The following MAP2K5 variants were observed in gnomAD, a reference collection of about 807,000 sequenced individuals.
MAP2K5 encodes mitogen-activated protein kinase kinase 5, also known as dual specificity mitogen-activated protein kinase kinase 5.
A neutral mutation model predicts 83.1 loss-of-function variants in MAP2K5; 49 were observed. The ratio of observed to expected loss-of-function variants is 0.59; its 90% CI spans 0.47 to 0.75. MAP2K5 has a LOEUF of 0.75. Among genes scored for constraint, MAP2K5 ranks in the 30% least tolerant of loss-of-function variants. The probability of loss-of-function intolerance (pLI) is 0.00; values close to 1 mark genes in which losing one functional copy is unlikely to be tolerated. For synonymous variants in MAP2K5, 202 were observed against 191.8 expected, an observed-to-expected ratio of 1.05 and a Z score of -0.44; for missense variants, 457 against 557.5, an observed-to-expected ratio of 0.82 and a Z score of 1.82.
chr15:67,765,482 C>T (rs945147969), intron 19 of MAP2K5, among the ~76,000 whole-genome samples: 6 of 151,996 alleles, frequency 3.9e-5, no homozygotes, highest in Admixed American at 6.6e-5. Flanking sequence ...TGTATGGGGG[C>T]GGGGAGTTGC....
chr15:67,699,835 C>T (rs1269860057), intron 15 of MAP2K5, among the ~76,000 whole-genome samples: 1 of 152,154 alleles, frequency 6.6e-6, no homozygotes, highest in African/African-American at 2.4e-5. Flanking sequence ...TTAAAACTCA[C>T]TGTATTTGAC....
At chr15:67,658,845 G>A (rs1596738909) in intron 12 of MAP2K5, 1 of 580,640 alleles carries the variant, frequency 1.7e-6, no homozygotes, top group East Asian at 3.7e-5. Flanking sequence ...GTGTTTGCAG[G>A]GACCTTGGTA....
intron 13 of MAP2K5, among the ~76,000 whole-genome samples, chr15:67,686,800 T>G (rs956539039): frequency 6.6e-6 from 1 of 152,102 alleles, no homozygotes; most frequent in African/African-American, 2.4e-5. Flanking sequence ...TTTAAAAACT[T>G]TGAGGTGAGC....
chr15:67,784,927 T>A (rs1596969947), intron 21 of MAP2K5, among the ~76,000 whole-genome samples: 1 of 152,172 alleles, frequency 6.6e-6, no homozygotes, highest in Non-Finnish European at 1.5e-5. Flanking sequence ...GCACCAGTGG[T>A]AGTATCTGAA....
chr15:67,660,320 T>C (rs925780818), intron 12 of MAP2K5, among the ~76,000 whole-genome samples: 2 of 152,140 alleles, frequency 1.3e-5, no homozygotes, highest in Non-Finnish European at 2.9e-5. Context: ...GCTACAAATT[T>C]GGATTATCAT....
In MAP2K5 at chr15:67,563,288, G is replaced by A; in HGVS notation, c.190G>A (p.Asp64Asn). The change falls in exon 3 of 22, where the codon GAT becomes AAT. Residue 64 changes from aspartate (D) to asparagine (N), a missense_variant. Physicochemically the swap from Asp to Asn is conservative, Grantham distance 23 (BLOSUM62 1). Around this residue, in one of 3 missense-constraint regions of MAP2K5, gnomAD observed 234 missense variants for 243.6 expected, o/e 0.96. Transcript: ENST00000178640. This position sits in a 1 kb window ranked among gnomAD's most constrained non-coding sequence, Gnocchi z 4.5. The part of the protein sequence containing the change: ...EATTTAFEYE[D>N]EDGDRITVRS... Reference sequence around the variant, plus strand: ...CATTATGTGCTTTTAAACAGATGAAGATGAAGATGGTGATCGAATTACAGT... The same window carrying A: ...CATTATGTGCTTTTAAACAGATGAAAATGAAGATGGTGATCGAATTACAGT... 1 of 1,610,864 alleles carries A rather than the reference G, an allele frequency of 6.2e-7. No individual in the cohort carries two copies. The highest frequency in any genetic ancestry group is 1.1e-5 in the South Asian group (1 of 90,656).
In MAP2K5 at chr15:67,750,127, CTT is replaced by C. The variant is rs1221802633; in HGVS notation, c.1134+1529_1134+1530del. Among the ~76,000 whole-genome samples, 3 of 152,156 alleles carry C rather than the reference CTT, an allele frequency of 2.0e-5. No homozygotes were observed. Among genetic ancestry groups the C allele is most frequent in the African/African-American group, 7.2e-5 (3 of 41,422 alleles). On this transcript the variant is annotated intron_variant, in intron 19 of 21. Coordinates refer to ENST00000178640, the MANE Select transcript of MAP2K5 (RefSeq NM_145160.3). This position sits in a 1 kb window ranked among gnomAD's most constrained non-coding sequence, Gnocchi z 4.2. The stretch of plus-strand genomic sequence containing the variant: ...GTTTAATTTGGGCAAAATCATGAGA[CTT>C]TTGAAATTACCATGGGGAGATGTTC...
At position 67,708,773 on chromosome 15, in the gene MAP2K5, T is replaced by G. The variant is rs970928102; in HGVS notation, c.1044+5365T>G. On this transcript the variant is annotated intron_variant, in intron 16 of 21. Transcript: ENST00000178640. The surrounding 1 kb of genome is among the most constrained non-coding windows in gnomAD (Gnocchi z 4.9). ...TCTTGCCACACTCTTTCATAAAAGA[T>G]GATGCTACATGCTGCTAAAATGTGC... Among the ~76,000 whole-genome samples, 6 of 152,078 alleles carry G rather than the reference T, an allele frequency of 3.9e-5. No individual in the cohort carries two copies. Among genetic ancestry groups the G allele is most frequent in the African/African-American group, 2.4e-5 (1 of 41,406 alleles).
At position 67,572,988 on chromosome 15, in the gene MAP2K5, G is replaced by T. The variant is rs1414446813; in HGVS notation, c.253-7766G>T. On this transcript the variant is annotated intron_variant, in intron 3 of 21. Transcript: ENST00000178640. The surrounding 1 kb of genome is among the most constrained non-coding windows in gnomAD (Gnocchi z 4.2). Reference sequence around the variant, plus strand: ...TGGGATTACAGGCGTGAGCCACCGTGCCTGGCCTGATATTATTTTGTTTAA... The same window carrying T: ...TGGGATTACAGGCGTGAGCCACCGTTCCTGGCCTGATATTATTTTGTTTAA... 6.6e-6 allele frequency among the ~76,000 whole-genome samples: 1 copy of T among 152,130 alleles called. No individual in the cohort carries two copies. The highest frequency in any genetic ancestry group is 1.5e-5 in the Non-Finnish European group (1 of 68,036).
intron 17 of MAP2K5, among the ~76,000 whole-genome samples, chr15:67,733,672 C>G (rs1010292291): frequency 1.3e-5 from 2 of 152,210 alleles, no homozygotes; most frequent in African/African-American, 4.8e-5. Context: ...CTTTACTTAA[C>G]TCAAGGAGAC....
rs1038792263 is a variant in MAP2K5, at chr15:67,543,492, C to T, written c.135+22C>T. 1 of 1,613,672 alleles carries T rather than the reference C, an allele frequency of 6.2e-7. No homozygotes were observed. Among genetic ancestry groups the T allele is most frequent in the Admixed American group, 1.7e-5 (1 of 60,008 alleles). ...GCTGGTGAGTGGTAATCTCAGTGTC[C>T]GGATGCCAGCAAGGGGGACTCAGGG... On this transcript the variant is annotated intron_variant, in intron 1 of 21. Transcript: ENST00000178640. The surrounding 1 kb of genome is among the most constrained non-coding windows in gnomAD (Gnocchi z 4.3).
intron 1 of MAP2K5, chr15:67,548,873 A>G (rs1326583030): frequency 9.5e-6 from 4 of 422,814 alleles, no homozygotes; most frequent in African/African-American, 2.0e-5. Context: ...TGCCTAAGAT[A>G]GTCCTCTTTG....
intron 8 of MAP2K5, among the ~76,000 whole-genome samples, chr15:67,617,748 G>A (rs1413918949): frequency 2.0e-5 from 3 of 152,152 alleles, no homozygotes; most frequent in African/African-American, 7.2e-5. Flanking sequence ...CTGGAGTGCA[G>A]TGATACGATC....
At chr15:67,737,716 C>T (rs1204136773) in intron 17 of MAP2K5, among the ~76,000 whole-genome samples, 1 of 152,016 alleles carries the variant, frequency 6.6e-6, no homozygotes, top group Non-Finnish European at 1.5e-5. Context: ...GTGTCATCTC[C>T]AAGGAATTTT....
intron 1 of MAP2K5, among the ~76,000 whole-genome samples, chr15:67,545,771 G>T (rs147951359): frequency 6.6e-6 from 1 of 152,192 alleles, no homozygotes; most frequent in Non-Finnish European, 1.5e-5. Flanking sequence ...TTGGGGAGGG[G>T]TGAAAGTAAT....
intron 11 of MAP2K5, among the ~76,000 whole-genome samples, chr15:67,654,739 G>A (rs1350305584): frequency 6.6e-6 from 1 of 151,992 alleles, no homozygotes; most frequent in Non-Finnish European, 1.5e-5. Context: ...TAACAATTTA[G>A]TTCAGATTAA....
At chr15:67,739,899 A>G (rs1330757246) in intron 17 of MAP2K5, among the ~76,000 whole-genome samples, 2 of 152,212 alleles carry the variant, frequency 1.3e-5, no homozygotes, top group Non-Finnish European at 2.9e-5. Context: ...ATGTTCAGTG[A>G]TATGTGGAAC....
chr15:67,787,566 T>C (rs977753249), intron 21 of MAP2K5, among the ~76,000 whole-genome samples: 1 of 152,234 alleles, frequency 6.6e-6, no homozygotes, highest in Non-Finnish European at 1.5e-5. Flanking sequence ...TGCTTTAGAC[T>C]CCTTTTAATT....
intron 8 of MAP2K5, among the ~76,000 whole-genome samples, chr15:67,605,935 A>T (rs2085769409): frequency 6.6e-6 from 1 of 152,194 alleles, no homozygotes; most frequent in Non-Finnish European, 1.5e-5. Context: ...CACTGAGGAG[A>T]TTGATATTCG....
Sources: allele counts gnomAD v4.1 joint callset (sites outside exome capture counted in the v4.1 genomes callset), GRCh38; gene constraint gnomAD v4.1.1; regional missense constraint gnomAD v4.1.1; non-coding constraint Gnocchi (gnomAD v3.1); transcripts MANE v1.5; gene names NCBI Gene and HGNC (gene_info 2026-07-23, HGNC 2026-07-21).